Variants in CECR2 observed in about 807,000 individuals in gnomAD.
The protein encoded by CECR2 is chromatin remodeling regulator CECR2.
In CECR2, 30 loss-of-function variants were observed where a neutral mutation model predicts 154.5. That is an observed-to-expected ratio of 0.19 (90% CI 0.15 to 0.26). CECR2 has a LOEUF of 0.26. Ranked by LOEUF, CECR2 falls within the 10% of genes least tolerant of loss-of-function variation. The pLI, the probability that CECR2 is intolerant of heterozygous loss-of-function variation, is 1.00. For synonymous variants in CECR2, 725 were observed against 683.7 expected (o/e 1.06, Z -0.94); for missense variants, 1,743 against 1,829.3 (o/e 0.95, Z 0.86).
intron 1 of CECR2, among the ~76,000 whole-genome samples, chr22:17,423,565 C>T (rs149036023): frequency 1.3e-5 from 2 of 152,098 alleles, no homozygotes; most frequent in East Asian, 3.9e-4. Flanking sequence ...TGGCTCCTTT[C>T]CAGAGTGGTC....
Position 17,404,364 on chromosome 22 carries a change from C to CTTTTTTTT in CECR2, c.126+34458_126+34459insTTTTTTTT, listed in dbSNP as rs1209598318. Among the ~76,000 whole-genome samples the CTTTTTTTT allele has an allele frequency of 7.9e-4, 47 of 59,618 alleles. 5 individuals carry two copies. Among genetic ancestry groups the CTTTTTTTT allele is most frequent in the African/African-American group, 2.5e-3 (33 of 13,308 alleles). The allele number at this position is 59,618 out of a possible 152,430, so 39.1% of individuals were successfully genotyped here. A position where few individuals can be genotyped will look rare whatever the true frequency, so the allele number is the denominator to read the frequency against. ...TGTGGGTTCATTTCTGGACCCTGTT[C>CTTTTTTTT]TTTCTTTTTTTTTTTTTTTTTTTTT... On this transcript the variant is annotated intron_variant, in intron 1 of 18. Coordinates refer to ENST00000262608, the MANE Select transcript of CECR2 (RefSeq NM_001290047.2).
rs1015405831 is a variant in CECR2, at chr22:17,391,872, G to A, written c.126+21963G>A. ...GCGGGAGTACAGTGGCGCAATCTCC[G>A]CTCACTGTAACTTCCGTCTCCCAGG... On this transcript the variant is annotated intron_variant, in intron 1 of 18. Coordinates refer to ENST00000262608, the MANE Select transcript of CECR2 (RefSeq NM_001290047.2). Among the ~76,000 whole-genome samples the A allele has an allele frequency of 9.9e-5, 15 of 152,126 alleles. 1 individual carries two copies. In the South Asian group the frequency reaches 1.0e-3, roughly 11 times the overall value.
upstream of CECR2, among the ~76,000 whole-genome samples, chr22:17,366,216 G>A (rs1430802631): frequency 6.6e-6 from 1 of 152,054 alleles, no homozygotes; most frequent in Non-Finnish European, 1.5e-5. Flanking sequence ...TTGAGATTGA[G>A]TCTCACTCTG....
At chr22:17,382,112 G>A (rs530962908) in intron 1 of CECR2, among the ~76,000 whole-genome samples, 65 of 151,150 alleles carry the variant, frequency 4.3e-4, no homozygotes, top group Non-Finnish European at 7.4e-4. Flanking sequence ...GGATGGTCTT[G>A]ATCTCCTGAC....
chr22:17,554,597 T>C lies in CECR2; in HGVS notation c.*1757T>C, dbSNP rs1432655638. Reference sequence around the variant, plus strand: ...TGAACCTGGTGCTGCTGCCTAGGGCTCAGGCAGATTTGAGAGTTGAGTAGG... The same window carrying C: ...TGAACCTGGTGCTGCTGCCTAGGGCCCAGGCAGATTTGAGAGTTGAGTAGG... On this transcript the variant is annotated 3_prime_UTR_variant, in exon 19 of 19. Coordinates refer to ENST00000262608, the MANE Select transcript of CECR2 (RefSeq NM_001290047.2). 6.6e-6 allele frequency: 1 copy of C among 152,224 alleles called. No individual in the cohort carries two copies. The highest frequency in any genetic ancestry group is 6.5e-5 in the Admixed American group (1 of 15,276). 9.4% of individuals were successfully genotyped at this position (152,224 alleles called of 1,614,324 possible). A position where few individuals can be genotyped will look rare whatever the true frequency, so the allele number is the denominator to read the frequency against.
intron 2 of CECR2, among the ~76,000 whole-genome samples, chr22:17,483,615 T>C (rs944862733): frequency 6.6e-6 from 1 of 152,146 alleles, no homozygotes; most frequent in African/African-American, 2.4e-5. Context: ...GAAAAAAATA[T>C]TTTTGTATAG....
chr22:17,518,141 C>T lies in CECR2; in HGVS notation c.955-5977C>T, dbSNP rs2056091974. Among the ~76,000 whole-genome samples the T allele has an allele frequency of 2.0e-5, 3 of 152,322 alleles. No individual in the cohort carries two copies. The South Asian group carries it at 6.2e-4, about 32-fold the overall frequency. ...CCCATCAGTCTCTTCTACTTCCTTT[C>T]TACCAGGTAGAAGTTTTTCCAGCAA... On this transcript the variant is annotated intron_variant, in intron 8 of 18. Transcript: ENST00000262608.
intron 9 of CECR2, among the ~76,000 whole-genome samples, chr22:17,536,674 C>G (rs1250259525): frequency 6.6e-6 from 1 of 152,190 alleles, no homozygotes; most frequent in East Asian, 1.9e-4. Context: ...GACTGAGAGT[C>G]TGGTCCTAAA....
At chr22:17,513,311 G>GT (rs1455788716) in intron 8 of CECR2, among the ~76,000 whole-genome samples, 2 of 152,214 alleles carry the variant, frequency 1.3e-5, no homozygotes, top group African/African-American at 4.8e-5. Flanking sequence ...ATCGTAGAGA[G>GT]TTTTGAGTTA....
chr22:17,470,667 C>T (rs1040543049), intron 1 of CECR2, among the ~76,000 whole-genome samples: 5 of 135,506 alleles, frequency 3.7e-5, no homozygotes, highest in Non-Finnish European at 7.8e-5. Flanking sequence ...CCGTTTTTCT[C>T]CACCTGCAGT....
At chr22:17,366,811 C>G (rs530680673), upstream of CECR2, among the ~76,000 whole-genome samples, 1 of 152,210 alleles carries the variant, frequency 6.6e-6, no homozygotes, top group East Asian at 1.9e-4. Flanking sequence ...TCGGGGAACT[C>G]AAGATTGAGA....
intron 9 of CECR2, among the ~76,000 whole-genome samples, chr22:17,525,531 C>G (rs174328): frequency 0.23 from 34,617 of 151,444 alleles, 4,102 homozygotes; most frequent in Admixed American, 0.31. Context: ...GCTTGAACCC[C>G]GGAGGTGGAA....
intron 2 of CECR2, among the ~76,000 whole-genome samples, chr22:17,496,530 GA>G (rs1017341538): frequency 3.3e-5 from 5 of 151,486 alleles, no homozygotes; most frequent in African/African-American, 7.3e-5. Flanking sequence ...AAAAATCAAA[GA>G]AAAAAAATTT....
At chr22:17,447,694 GC>G (rs1183687879) in intron 1 of CECR2, among the ~76,000 whole-genome samples, 7 of 151,632 alleles carry the variant, frequency 4.6e-5, no homozygotes, top group Middle Eastern at 3.4e-3. Context: ...GCGGTGGGGG[GC>G]TTTAGTTTAC....
chr22:17,446,756 A>G (rs1003206483), intron 1 of CECR2, among the ~76,000 whole-genome samples: 7 of 151,936 alleles, frequency 4.6e-5, no homozygotes, highest in African/African-American at 1.7e-4. Context: ...GACACAAAAG[A>G]GTGAGCAGCA....
chr22:17,404,924 A>G (rs886879339), intron 1 of CECR2, among the ~76,000 whole-genome samples: 36 of 152,186 alleles, frequency 2.4e-4, no homozygotes, highest in Admixed American at 2.4e-3. Flanking sequence ...ATCTAGGTCA[A>G]TTTGTAGAAA....
In CECR2 at chr22:17,548,474, C is replaced by G. The variant is rs761482382; in HGVS notation, c.3187C>G (p.Pro1063Ala). The G allele has an allele frequency of 3.7e-6, 6 of 1,613,918 alleles. No homozygotes were observed. Among genetic ancestry groups the G allele is most frequent in the Non-Finnish European group, 4.2e-6 (5 of 1,179,904 alleles). The change falls in exon 17 of 19, where the codon CCT (proline) becomes GCT (alanine). Residue 1063 changes from proline (P) to alanine (A), a missense_variant. Pro to Ala is a conservative substitution (Grantham distance 27). Around this residue, in one of 4 missense-constraint regions of CECR2, gnomAD observed 1,250 missense variants for 1,192.1 expected, o/e 1.05. Transcript: ENST00000262608. ...SENGVIGEAS[P>A]CGSEGKGLGS... ...GAACGGAGTCATTGGGGAAGCATCTCCTTGTGGATCGGAGGGGAAGGGCCT... is the reference window on the plus strand; with the variant it reads ...GAACGGAGTCATTGGGGAAGCATCTGCTTGTGGATCGGAGGGGAAGGGCCT...
chr22:17,497,348 C>T (rs2146870028), intron 2 of CECR2, 55 bp from the exon 3 acceptor site: 3 of 1,511,310 alleles, frequency 2.0e-6, no homozygotes, highest in South Asian at 1.2e-5. Flanking sequence ...TCTCCTTCTC[C>T]CAACCAACCT....
At chr22:17,428,872 G>C (rs140817960) in intron 1 of CECR2, among the ~76,000 whole-genome samples, 13 of 151,118 alleles carry the variant, frequency 8.6e-5, no homozygotes, top group African/African-American at 2.7e-4. Flanking sequence ...GGGAATAGGC[G>C]TGGTGGGGTA....
Sources: gnomAD v4.1 joint callset for allele counts (sites outside exome capture counted in the v4.1 genomes callset) on GRCh38, gnomAD v4.1.1 for gene constraint, gnomAD v4.1.1 regional missense constraint, MANE v1.5 for transcripts, NCBI Gene and HGNC (gene_info 2026-07-23, HGNC 2026-07-21) for gene names.